Variants in DSCAM observed in about 807,000 individuals in gnomAD.
The protein encoded by DSCAM is cell adhesion molecule DSCAM.
DSCAM carries 47 observed loss-of-function variants against 217.7 expected under a neutral mutation model. That is an observed-to-expected ratio of 0.22 (90% CI 0.17 to 0.28). The LOEUF is 0.28. Ranked by LOEUF, DSCAM falls within the 10% of genes least tolerant of loss-of-function variation. DSCAM has a pLI of 1.00. For synonymous variants in DSCAM, 1,056 were observed against 1,015.3 expected (o/e 1.04, Z -0.76); for missense variants, 2,080 against 2,618.3 (o/e 0.79, Z 4.49).
intron 3 of DSCAM, among the ~76,000 whole-genome samples, chr21:40,532,566 A>T (rs2076455828): frequency 6.6e-6 from 1 of 152,202 alleles, no homozygotes; most frequent in African/African-American, 2.4e-5. Flanking sequence ...ATTTATATGT[A>T]GTGTTCAGAC....
chr21:40,156,294 AG>A (rs2090476944), intron 16 of DSCAM, among the ~76,000 whole-genome samples: 1 of 65,608 alleles, frequency 1.5e-5, no homozygotes, highest in African/African-American at 1.2e-4. Flanking sequence ...AGACAGAGAG[AG>A]AGAGAGAGAG....
chr21:40,487,322 TGTGTGAGAGAGAGA>T lies in DSCAM; in HGVS notation c.509-118091_509-118078del, dbSNP rs1242287705. Reference sequence around the variant, plus strand: ...GTGCGTGCGTGTGTGTGTGTGTGTGTGTGTGAGAGAGAGAGAGAGAGAGAGAGAGAGAGAGACTG... The same window carrying T: ...GTGCGTGCGTGTGTGTGTGTGTGTGTGAGAGAGAGAGAGAGAGAGAGACTG... On this transcript the variant is annotated intron_variant, in intron 3 of 32. Transcript: ENST00000400454. Among the ~76,000 whole-genome samples, 91 of 138,436 alleles carry T rather than the reference TGTGTGAGAGAGAGA, an allele frequency of 6.6e-4. No individual in the cohort carries two copies. In the East Asian group the frequency reaches 0.016, roughly 24 times the overall value. The allele number at this position is 138,436 out of a possible 152,430, so 90.8% of individuals were successfully genotyped here.
rs185301422 is a variant in DSCAM, at chr21:40,116,353, G to A, written c.3696+7842C>T. ...GAACTGCATTCCATTAGAACTAGCCGTGAAATAAAAAGATATTTCCAAGAA... is the reference window on the plus strand; with the variant it reads ...GAACTGCATTCCATTAGAACTAGCCATGAAATAAAAAGATATTTCCAAGAA... On this transcript the variant is annotated intron_variant, in intron 20 of 32. Transcript: ENST00000400454. 3.3e-3 allele frequency among the ~76,000 whole-genome samples: 501 copies of A among 152,208 alleles called. 2 individuals are homozygous for A. The highest frequency in any genetic ancestry group is 0.011 in the African/African-American group (471 of 41,516).
chr21:40,120,758 C>A (rs1401273475), intron 20 of DSCAM, among the ~76,000 whole-genome samples: 2 of 152,156 alleles, frequency 1.3e-5, no homozygotes, highest in African/African-American at 4.8e-5. Flanking sequence ...TTTGTAGATT[C>A]ATTCTCAGTT....
At chr21:40,828,629 C>T (rs2091988569) in intron 1 of DSCAM, among the ~76,000 whole-genome samples, 1 of 151,320 alleles carries the variant, frequency 6.6e-6, no homozygotes. Context: ...ATCACATCCT[C>T]CCTCAGGAAC....
At chr21:40,218,177 T>C (rs2146897561) in intron 11 of DSCAM, among the ~76,000 whole-genome samples, 1 of 152,318 alleles carries the variant, frequency 6.6e-6, no homozygotes, top group African/African-American at 2.4e-5. Context: ...GTACATGTTG[T>C]AAGAAAGGGG....
chr21:40,037,016 T>C (rs1461588958), intron 32 of DSCAM, among the ~76,000 whole-genome samples: 1 of 150,494 alleles, frequency 6.6e-6, no homozygotes, highest in Non-Finnish European at 1.5e-5. Context: ...GGGACGTATT[T>C]CAAAATAATA....
At position 40,189,125 on chromosome 21, in the gene DSCAM, C is replaced by A; in HGVS notation, c.2470G>T (p.Glu824Ter). The change falls in exon 12 of 33, where the codon GAG becomes TAG. Residue 824 changes from glutamate (E) to a stop codon, truncating the protein, a stop_gained. Transcript: ENST00000400454. LOFTEE classifies it high-confidence loss of function. ...ATCTCAGGGTTAATGATTCGGTCCT[C>A]CTTCTCCCAGCGGACTATAATGGGC... ...EKPIIVRWEK[E>*]DRIINPEMAR... 1 of 1,614,188 alleles carries A rather than the reference C, an allele frequency of 6.2e-7. No homozygotes were observed.
At position 40,078,803 on chromosome 21, in the gene DSCAM, G is replaced by C. The variant is rs373761836; in HGVS notation, c.4595C>G (p.Ser1532Cys). The change falls in exon 26 of 33, where the codon TCC (serine) becomes TGC (cysteine). Residue 1532 changes from serine (S) to cysteine (C), a missense_variant. This residue lies in a region of DSCAM where 1,144 missense variants were observed against 1,421.1 expected (regional missense o/e 0.81). Coordinates refer to ENST00000400454, the MANE Select transcript of DSCAM (RefSeq NM_001389.5). ...TTCCTGCAGGTCATACAGGATGTAG[G>C]ACTTGGAGAGAGAGGTCCTCTGAGC... ...TTAQRTSLSKSYILYDLQEAT... is the reference protein window; with the variant it reads ...TTAQRTSLSKCYILYDLQEAT... The C allele has an allele frequency of 6.2e-7, 1 of 1,614,258 alleles. No individual in the cohort carries two copies. Among genetic ancestry groups the C allele is most frequent in the Admixed American group, 1.7e-5 (1 of 60,032 alleles).
intron 3 of DSCAM, among the ~76,000 whole-genome samples, chr21:40,596,727 G>A (rs1447802104): frequency 6.6e-6 from 1 of 152,100 alleles, no homozygotes; most frequent in Non-Finnish European, 1.5e-5. Flanking sequence ...AAAAACTAGT[G>A]AACTCTATTT....
chr21:40,155,146 C>T (rs763806454), intron 16 of DSCAM, among the ~76,000 whole-genome samples: 28 of 152,350 alleles, frequency 1.8e-4, no homozygotes, highest in Non-Finnish European at 3.1e-4. Context: ...TCATACATCA[C>T]ACCACCTGCT....
At chr21:40,669,521 CAA>C (rs2090244744) in intron 3 of DSCAM, among the ~76,000 whole-genome samples, 1 of 151,988 alleles carries the variant, frequency 6.6e-6, no homozygotes, top group African/African-American at 2.4e-5. Flanking sequence ...ATTCAGTCAC[CAA>C]AGTGTTAAAG....
chr21:40,192,942 G>A lies in DSCAM; in HGVS notation c.2357-3704C>T, dbSNP rs372848472. Among the ~76,000 whole-genome samples the A allele has an allele frequency of 1.2e-4, 19 of 152,260 alleles. No homozygotes were observed. In the East Asian group the frequency reaches 3.1e-3, roughly 25 times the overall value. On this transcript the variant is annotated intron_variant, in intron 11 of 32. Transcript: ENST00000400454. ...CATTTTTTTCCAGGAGAGATTCCTA[G>A]AAGTGGAACTACTGGGTTATATGGC... is the stretch of plus-strand genomic sequence containing the variant.
At chr21:40,505,473 TAAG>T (rs1037392821) in intron 3 of DSCAM, among the ~76,000 whole-genome samples, 7 of 152,224 alleles carry the variant, frequency 4.6e-5, no homozygotes, top group African/African-American at 1.4e-4. Context: ...TGGTAAATTC[TAAG>T]AAGAAGTCTA....
At chr21:40,617,315 G>A (rs935710264) in intron 3 of DSCAM, among the ~76,000 whole-genome samples, 9 of 151,676 alleles carry the variant, frequency 5.9e-5, no homozygotes, top group East Asian at 4.0e-4. Context: ...TAGTAGAGAC[G>A]GGGTTTCACC....
chr21:40,367,381 A>G (rs555999385), intron 4 of DSCAM, among the ~76,000 whole-genome samples: 3 of 151,952 alleles, frequency 2.0e-5, no homozygotes, highest in African/African-American at 7.3e-5. Flanking sequence ...TTGTCATCCT[A>G]TTTTATCTGT....
At chr21:40,437,635 G>A (rs2075594667) in intron 3 of DSCAM, among the ~76,000 whole-genome samples, 2 of 152,066 alleles carry the variant, frequency 1.3e-5, no homozygotes, top group African/African-American at 2.4e-5. Context: ...CAGATCACTC[G>A]AGGTTGGGAG....
At chr21:40,147,307 G>T (rs1343662947) in intron 16 of DSCAM, among the ~76,000 whole-genome samples, 2 of 152,196 alleles carry the variant, frequency 1.3e-5, no homozygotes, top group African/African-American at 4.8e-5. Flanking sequence ...AGTTCCTCCA[G>T]TTTGGGGGGA....
At chr21:40,607,874 A>T (rs909934833) in intron 3 of DSCAM, among the ~76,000 whole-genome samples, 29 of 152,158 alleles carry the variant, frequency 1.9e-4, no homozygotes, top group Non-Finnish European at 3.5e-4. Context: ...ATACAAAGCA[A>T]TTGGTTAGAA....
Sources: allele counts gnomAD v4.1 joint callset (sites outside exome capture counted in the v4.1 genomes callset), GRCh38; gene constraint gnomAD v4.1.1; regional missense constraint gnomAD v4.1.1; transcripts MANE v1.5; gene names NCBI Gene and HGNC (gene_info 2026-07-23, HGNC 2026-07-21).